Variants in PRR16 observed in about 807,000 individuals in gnomAD.
PRR16 encodes the protein protein Largen.
In PRR16, 6 loss-of-function variants were observed where a neutral mutation model predicts 18.2. The observed-to-expected ratio is 0.33, with a 90% CI of 0.18 to 0.65. The LOEUF is 0.65. PRR16 is among the 30% of genes least tolerant of loss of function. PRR16 has a pLI of 0.74. For missense variants in PRR16, 412 were observed against 376.6 expected (o/e 1.09, Z -0.78); for synonymous variants, 151 against 147.8 (o/e 1.02, Z -0.16).
chr5:120,684,429 G>C (rs1757059192), intron 1 of PRR16, among the ~76,000 whole-genome samples: 1 of 152,134 alleles, frequency 6.6e-6, no homozygotes, highest in Non-Finnish European at 1.5e-5. Context: ...ATGTGACAAA[G>C]AGCCAACTTC....
At chr5:120,492,197 A>G (rs1307279775) in intron 1 of PRR16, among the ~76,000 whole-genome samples, 1 of 149,090 alleles carries the variant, frequency 6.7e-6, no homozygotes, top group African/African-American at 2.5e-5. Flanking sequence ...TGATCCACCA[A>G]CCTCAGCCTT....
Position 120,686,036 on chromosome 5 carries a change from A to G in PRR16, c.242A>G (p.Asn81Ser), listed in dbSNP as rs2150156950. 2 of 1,614,168 alleles carry G rather than the reference A, an allele frequency of 1.2e-6. No homozygotes were observed. Among genetic ancestry groups the G allele is most frequent in the Non-Finnish European group, 1.7e-6 (2 of 1,180,020 alleles). Residue 81 changes from asparagine to serine, a missense_variant, in exon 2 of 2, where the codon AAT (asparagine) becomes AGT (serine). Transcript: ENST00000407149. ...MTDSSKTDTL[N>S]SSSSGTTASS... ...GACAGCTCCAAAACGGACACGCTGA[A>G]TAGTAGCTCAAGTGGCACAACAGCC...
chr5:120,766,410 TCTATTCAA>T, the PRR16 span, among the ~76,000 whole-genome samples: 1 of 152,042 alleles, frequency 6.6e-6, no homozygotes, highest in Non-Finnish European at 1.5e-5. Context: ...ATGTGAACCC[TCTATTCAA>T]CTATTTTATT....
intron 1 of PRR16, among the ~76,000 whole-genome samples, chr5:120,645,429 A>G (rs1755558333): frequency 6.7e-6 from 1 of 148,544 alleles, no homozygotes; most frequent in East Asian, 2.1e-4. Context: ...AGAGAATATA[A>G]ATTATTTTAG....
intron 1 of PRR16, among the ~76,000 whole-genome samples, chr5:120,552,760 T>G (rs1752293171): frequency 6.6e-6 from 1 of 151,904 alleles, no homozygotes; most frequent in African/African-American, 2.4e-5. Context: ...TAATGAAAAT[T>G]TTGCCGATGA....
intron 1 of PRR16, among the ~76,000 whole-genome samples, chr5:120,540,556 C>A (rs1751878573): frequency 6.6e-6 from 1 of 152,142 alleles, no homozygotes; most frequent in South Asian, 2.1e-4. Context: ...ATGTCCCTTC[C>A]TGTCCTGGAC....
intron 1 of PRR16, among the ~76,000 whole-genome samples, chr5:120,529,016 CA>C (rs1014829086): frequency 4.7e-4 from 71 of 152,168 alleles, no homozygotes; most frequent in African/African-American, 1.6e-3. Flanking sequence ...TTAATTAAAT[CA>C]TTTTTTTTAT....
chr5:120,659,023 C>T (rs1250462318), intron 1 of PRR16, among the ~76,000 whole-genome samples: 1 of 151,776 alleles, frequency 6.6e-6, no homozygotes, highest in African/African-American at 2.4e-5. Flanking sequence ...TCACCTGCGA[C>T]CCCCCATCAT....
chr5:120,762,982 T>A, the PRR16 span, among the ~76,000 whole-genome samples: 14 of 152,130 alleles, frequency 9.2e-5, no homozygotes, highest in Non-Finnish European at 2.1e-4. Context: ...TTTTTCTGCA[T>A]ATGAATATCC....
intron 1 of PRR16, among the ~76,000 whole-genome samples, chr5:120,560,139 T>C (rs1327814550): frequency 6.6e-6 from 1 of 151,916 alleles, no homozygotes; most frequent in African/African-American, 2.4e-5. Flanking sequence ...CTTTCTCTTG[T>C]CCGATTTTTT....
At chr5:120,641,978 G>A (rs1053230448) in intron 1 of PRR16, among the ~76,000 whole-genome samples, 34 of 151,928 alleles carry the variant, frequency 2.2e-4, no homozygotes, top group African/African-American at 7.2e-4. Context: ...TTGTCCATCC[G>A]TTTACTCAAG....
the PRR16 span, among the ~76,000 whole-genome samples, chr5:120,765,675 A>C: frequency 6.6e-6 from 1 of 152,022 alleles, no homozygotes. Flanking sequence ...TTTACAACTC[A>C]ATGAATTTTC....
chr5:120,747,931 C>T, the PRR16 span, among the ~76,000 whole-genome samples: 148,837 of 152,188 alleles, frequency 0.98, 72,871 homozygotes, highest in East Asian at 1. Flanking sequence ...TTTGTGCAAT[C>T]GATTCCCCAC....
intron 1 of PRR16, among the ~76,000 whole-genome samples, chr5:120,575,666 A>G (rs1753053668): frequency 6.6e-6 from 1 of 152,176 alleles, no homozygotes; most frequent in African/African-American, 2.4e-5. Context: ...TAAAGGCCAT[A>G]TAGACAAACA....
At chr5:120,758,686 T>A in the PRR16 span, among the ~76,000 whole-genome samples, 1 of 152,052 alleles carries the variant, frequency 6.6e-6, no homozygotes, top group Non-Finnish European at 1.5e-5. Flanking sequence ...AGACGTGCCT[T>A]GCTTCCCCTT....
chr5:120,591,965 G>A (rs1753649758), intron 1 of PRR16, among the ~76,000 whole-genome samples: 1 of 152,058 alleles, frequency 6.6e-6, no homozygotes, highest in South Asian at 2.1e-4. Flanking sequence ...GTCCCTATTT[G>A]ATATGTATAA....
At chr5:120,519,855 T>G (rs1420835312) in intron 1 of PRR16, among the ~76,000 whole-genome samples, 1 of 152,122 alleles carries the variant, frequency 6.6e-6, no homozygotes, top group East Asian at 1.9e-4. Flanking sequence ...TGAAAAAGAA[T>G]AATTTTTATG....
chr5:120,752,925 T>G, the PRR16 span, among the ~76,000 whole-genome samples: 1 of 151,894 alleles, frequency 6.6e-6, no homozygotes, highest in Non-Finnish European at 1.5e-5. Context: ...GACAACAATG[T>G]AAGACTTTTT....
chr5:120,630,301 T>C (rs1755009969), intron 1 of PRR16, among the ~76,000 whole-genome samples: 1 of 152,148 alleles, frequency 6.6e-6, no homozygotes, highest in African/African-American at 2.4e-5. Context: ...TGTCTTTTTT[T>C]ATTATCCTAA....
Sources: allele counts gnomAD v4.1 joint callset (sites outside exome capture counted in the v4.1 genomes callset), GRCh38; gene constraint gnomAD v4.1.1; transcripts MANE v1.5; gene names NCBI Gene and HGNC (gene_info 2026-07-23, HGNC 2026-07-21).